SIRT4: variants seen among roughly 807,000 people sequenced by gnomAD.
SIRT4 encodes NAD-dependent protein lipoamidase sirtuin-4, mitochondrial.
In SIRT4, 23 loss-of-function variants were observed where a neutral mutation model predicts 26.1. The observed-to-expected ratio is 0.88, with a 90% confidence interval of 0.63 to 1.25. The LOEUF (loss-of-function observed/expected upper bound fraction) is 1.25, where lower values mean the gene tolerates loss of function less well. Ranked by LOEUF, SIRT4 falls within the 50% of genes most tolerant of loss-of-function variation. The probability of loss-of-function intolerance (pLI) is 0.00; values close to 1 mark genes in which losing one functional copy is unlikely to be tolerated. For synonymous variants in SIRT4, 155 were observed against 158.4 expected (o/e 0.98, Z 0.16); for missense variants, 361 against 405.4 (o/e 0.89, Z 0.94).
chr12:120,293,251 C>G, the SIRT4 span: 1 of 152,182 alleles, frequency 6.6e-6, no homozygotes, highest in Non-Finnish European at 1.5e-5. Flanking sequence ...TTGTTACGCC[C>G]CCTGCTCATC....
rs749928325 is a variant in SIRT4, at chr12:120,312,757, G to A, written c.792+7G>A. ...GGTGGGATCATCCTTGCAGGTATCT[G>A]ACTTGGCAAGAGTGGTAACCACCCC... On this transcript the variant is annotated splice_region_variant and intron_variant, in intron 3 of 3. Transcript: ENST00000202967. 3 of 1,610,342 alleles carry A rather than the reference G, an allele frequency of 1.9e-6. No individual in the cohort carries two copies. Among genetic ancestry groups the A allele is most frequent in the South Asian group, 2.2e-5 (2 of 90,826 alleles).
At position 120,312,465 on chromosome 12, in the gene SIRT4, C is replaced by T. The variant is rs926829519; in HGVS notation, c.507C>T (p.Cys169=). The T allele has an allele frequency of 1.2e-6, 2 of 1,611,656 alleles. No homozygotes were observed. Among genetic ancestry groups the T allele is most frequent in the African/African-American group, 1.3e-5 (1 of 74,882 alleles). The change falls in exon 3 of 4, where the codon TGC becomes TGT. Residue 169 remains cysteine, a synonymous_variant. Coordinates refer to ENST00000202967, the MANE Select transcript of SIRT4 (RefSeq NM_012240.3). ...ELHGCMDRVL[C]LDCGEQTPRG... The stretch of plus-strand genomic sequence containing the variant: ...TCTTCCTTGGTTCCAGGGTCCTGTG[C>T]TTGGATTGTGGGGAACAGACTCCCC...
Position 120,303,690 on chromosome 12 carries a change from G to A in SIRT4, c.129G>A (p.Lys43=). The change falls in exon 2 of 4, where the codon AAG becomes AAA. Residue 43 remains lysine (K), a synonymous_variant. Transcript: ENST00000202967. ...CAAGTCCTCCTCTGGACCCTGAGAAGGTCAAAGAGTTACAGCGCTTCATCA... is the reference window on the plus strand; with the variant it reads ...CAAGTCCTCCTCTGGACCCTGAGAAAGTCAAAGAGTTACAGCGCTTCATCA... ...VPASPPLDPE[K]VKELQRFITL... is the part of the protein sequence containing the mutation. 3 of 1,614,104 alleles carry A rather than the reference G, an allele frequency of 1.9e-6. No individual in the cohort carries two copies. Among genetic ancestry groups the A allele is most frequent in the Non-Finnish European group, 2.5e-6 (3 of 1,180,036 alleles).
At chr12:120,304,188 A>C (rs893009950) in intron 2 of SIRT4, 130 bp downstream of exon 2, 1 of 1,185,054 alleles carries the variant, frequency 8.4e-7, no homozygotes, top group East Asian at 2.5e-5. Flanking sequence ...TTTATTTTGC[A>C]GTTGATTCCA....
In SIRT4 at chr12:120,312,588, G is replaced by A; in HGVS notation, c.630G>A (p.Glu210=). ...ATGGTGACGTCTTTCTCTCAGAGGA[G>A]CAAGTCCGGAGCTTTCAGGTCCCAA... The part of the protein sequence containing the change: ...APDGDVFLSE[E]QVRSFQVPTC... The change falls in exon 3 of 4, where the codon GAG becomes GAA. Residue 210 remains glutamate, a synonymous_variant. Transcript: ENST00000202967. 1.2e-6 allele frequency: 2 copies of A among 1,614,180 alleles called. No individual in the cohort carries two copies. The highest frequency in any genetic ancestry group is 1.7e-6 in the Non-Finnish European group (2 of 1,180,028).
intron 2 of SIRT4, among the ~76,000 whole-genome samples, chr12:120,311,351 G>A (rs1342376999): frequency 4.8e-5 from 7 of 146,442 alleles, no homozygotes; most frequent in African/African-American, 1.0e-4. Flanking sequence ...GTGAAACTCC[G>A]TCTCAAAAAA....
In SIRT4 at chr12:120,305,480, C is replaced by G. The variant is rs1394096143; in HGVS notation, c.497+1422C>G. ...CTTACTATGTTGCCCAGGCTGGTCT[C>G]GAACTCCTGGGCTCATGTGATCCTC... is the stretch of plus-strand genomic sequence containing the variant. On this transcript the variant is annotated intron_variant, in intron 2 of 3. Coordinates refer to ENST00000202967, the MANE Select transcript of SIRT4 (RefSeq NM_012240.3). Among the ~76,000 whole-genome samples, 4 of 152,178 alleles carry G rather than the reference C, an allele frequency of 2.6e-5. No individual in the cohort carries two copies. In the South Asian group the frequency reaches 6.2e-4, roughly 24 times the overall value.
At chr12:120,304,089 AC>A (rs2136829997) in intron 2 of SIRT4, 31 bp downstream of exon 2, 1 of 1,593,104 alleles carries the variant, frequency 6.3e-7, no homozygotes, top group African/African-American at 1.3e-5. Flanking sequence ...TTGAACGCAA[AC>A]CCGTGTGTTG....
intron 2 of SIRT4, among the ~76,000 whole-genome samples, chr12:120,310,745 T>C (rs935811859): frequency 6.7e-6 from 1 of 150,302 alleles, no homozygotes; most frequent in Non-Finnish European, 1.5e-5. Flanking sequence ...CCTGTCTCTT[T>C]TTTTTTTTTG....
intron 2 of SIRT4, 159 bp downstream of exon 2, chr12:120,304,217 C>A: frequency 1.8e-6 from 1 of 563,470 alleles, no homozygotes; most frequent in Non-Finnish European, 2.2e-6. Context: ...ATTGACGGAG[C>A]AAGGATGTAA....
At chr12:120,304,372 G>C (rs985610885) in intron 2 of SIRT4, among the ~76,000 whole-genome samples, 4 of 152,158 alleles carry the variant, frequency 2.6e-5, no homozygotes. Context: ...GACTGGGGCC[G>C]GGCGCAGTGG....
At chr12:120,291,784 A>G in the SIRT4 span, 1 of 152,188 alleles carries the variant, frequency 6.6e-6, no homozygotes, top group Non-Finnish European at 1.5e-5. Flanking sequence ...ACTGTCAAAA[A>G]TTGCCAATGC....
the SIRT4 span, among the ~76,000 whole-genome samples, chr12:120,292,808 AAAAGAAAACAGTGCGAG>A: frequency 6.6e-6 from 1 of 151,972 alleles, no homozygotes; most frequent in African/African-American, 2.4e-5. Context: ...CTTCGTCTCA[AAAAGAAAACAGTGCGAG>A]AAAGAAAACA....
upstream of SIRT4, among the ~76,000 whole-genome samples, chr12:120,299,694 G>A (rs1052742649): frequency 2.0e-5 from 3 of 152,128 alleles, no homozygotes; most frequent in Non-Finnish European, 4.4e-5. Context: ...TGAGTGTACG[G>A]CGCCTGCAAA....
chr12:120,302,720 C>CTTTTTT (rs901345647), intron 1 of SIRT4, among the ~76,000 whole-genome samples: 11 of 136,782 alleles, frequency 8.0e-5, no homozygotes, highest in Non-Finnish European at 9.6e-5. Context: ...TTTTCTTTTT[C>CTTTTTT]TTTTTTTTTT....
upstream of SIRT4, among the ~76,000 whole-genome samples, chr12:120,299,532 A>G (rs549092758): frequency 2.7e-5 from 4 of 148,748 alleles, no homozygotes; most frequent in South Asian, 8.7e-4. Flanking sequence ...AGCCTGGGCA[A>G]CAGAGCTAGA....
At chr12:120,309,294 C>T (rs190324954) in intron 2 of SIRT4, among the ~76,000 whole-genome samples, 4 of 152,210 alleles carry the variant, frequency 2.6e-5, no homozygotes, top group Non-Finnish European at 4.4e-5. Context: ...ATACCATCAC[C>T]CAGATTCCAA....
At chr12:120,306,108 A>T (rs1592898082) in intron 2 of SIRT4, among the ~76,000 whole-genome samples, 1 of 151,908 alleles carries the variant, frequency 6.6e-6, no homozygotes, top group Admixed American at 6.6e-5. Flanking sequence ...AAGCAGGAGG[A>T]TTACTTGAGG....
chr12:120,293,209 T>C, the SIRT4 span: 12 of 152,192 alleles, frequency 7.9e-5, no homozygotes, highest in African/African-American at 1.2e-4. Context: ...TAGACCTCAT[T>C]GGCTACGATA....
Sources: gnomAD v4.1 joint callset for allele counts (sites outside exome capture counted in the v4.1 genomes callset) on GRCh38, gnomAD v4.1.1 for gene constraint, MANE v1.5 for transcripts, NCBI Gene and HGNC (gene_info 2026-07-23, HGNC 2026-07-21) for gene names.